Variants in HECW1 observed in about 807,000 individuals in gnomAD.
HECW1 encodes the protein HECT, C2 and WW domain containing E3 ubiquitin protein ligase 1, also known as E3 ubiquitin-protein ligase HECW1.
A neutral mutation model predicts 182.3 loss-of-function variants in HECW1; 61 were observed. That is an observed-to-expected ratio of 0.33 (90% confidence interval 0.27 to 0.41). The LOEUF (loss-of-function observed/expected upper bound fraction) is 0.41. Among genes scored for constraint, HECW1 ranks in the 10% least tolerant of loss-of-function variants. The pLI is 1.00. For missense variants in HECW1, 1,739 were observed against 2,108.9 expected, an observed-to-expected ratio of 0.82 and a Z score of 3.44; for synonymous variants, 859 against 832.6, an observed-to-expected ratio of 1.03 and a Z score of -0.55.
At chr7:43,135,979 C>CT (rs34511113) in intron 2 of HECW1, among the ~76,000 whole-genome samples, 7,104 of 143,514 alleles carry the variant, frequency 0.05, 502 homozygotes, top group African/African-American at 0.16. Context: ...ACCATTTACA[C>CT]TTTTTTTTTT....
intron 15 of HECW1, among the ~76,000 whole-genome samples, chr7:43,467,792 G>A (rs2077847737): frequency 6.6e-6 from 1 of 152,144 alleles, no homozygotes; most frequent in African/African-American, 2.4e-5. Context: ...AGACAGTGTA[G>A]TTTCTGCTTT....
chr7:43,521,963 C>G (rs939151693), intron 24 of HECW1, among the ~76,000 whole-genome samples: 1 of 152,166 alleles, frequency 6.6e-6, no homozygotes, highest in African/African-American at 2.4e-5. Flanking sequence ...ATCAGTCCCC[C>G]TATAAAAGAG....
intron 2 of HECW1, among the ~76,000 whole-genome samples, chr7:43,205,757 G>A (rs1795415690): frequency 6.6e-6 from 1 of 152,174 alleles, no homozygotes; most frequent in Admixed American, 6.5e-5. Flanking sequence ...CAGTGGACAA[G>A]GTCCCTTCTG....
chr7:43,354,181 C>CAAT (rs987661744), intron 5 of HECW1, among the ~76,000 whole-genome samples: 6 of 131,806 alleles, frequency 4.6e-5, no homozygotes, highest in African/African-American at 1.7e-4. Context: ...CAAACATATC[C>CAAT]AATAATAAAA....
intron 5 of HECW1, among the ~76,000 whole-genome samples, chr7:43,346,328 C>A (rs998023113): frequency 6.6e-6 from 1 of 152,012 alleles, no homozygotes; most frequent in Non-Finnish European, 1.5e-5. Flanking sequence ...CCTTAGCCCA[C>A]TTTTTGATGG....
rs981048557 is a variant in HECW1 at position 43,565,484 on chromosome 7, A to G, written c.*3558A>G. The G allele has an allele frequency of 1.1e-5, 2 of 188,236 alleles. No individual in the cohort carries two copies. The highest frequency in any genetic ancestry group is 4.7e-5 in the African/African-American group (2 of 42,726). 11.7% of individuals were successfully genotyped at this position (188,236 alleles called of 1,614,324 possible). On this transcript the variant is annotated 3_prime_UTR_variant, in exon 30 of 30. Coordinates refer to ENST00000395891, the MANE Select transcript of HECW1 (RefSeq NM_015052.5). ...TGGGTTCGGAAATTTCTCAGTTGCCACAAATATTTTCCCAGTCAAGATGAA... is the reference window on the plus strand; with the variant it reads ...TGGGTTCGGAAATTTCTCAGTTGCCGCAAATATTTTCCCAGTCAAGATGAA...
intron 24 of HECW1, among the ~76,000 whole-genome samples, chr7:43,516,059 G>C (rs924353939): frequency 4.6e-5 from 7 of 152,180 alleles, no homozygotes; most frequent in African/African-American, 1.7e-4. Context: ...TTAAAATAGT[G>C]CATCCATTTA....
At chr7:43,389,973 C>T (rs1241150673) in intron 6 of HECW1, among the ~76,000 whole-genome samples, 1 of 152,124 alleles carries the variant, frequency 6.6e-6, no homozygotes, top group Non-Finnish European at 1.5e-5. Flanking sequence ...AGATCTTTGC[C>T]TGAAGGAGAT....
intron 17 of HECW1, among the ~76,000 whole-genome samples, chr7:43,486,918 A>G (rs1339463422): frequency 6.6e-6 from 1 of 152,246 alleles, no homozygotes; most frequent in Non-Finnish European, 1.5e-5. Flanking sequence ...ACATTTTTCT[A>G]TATTTAATCA....
Position 43,175,698 on chromosome 7 carries a change from T to A in HECW1, c.-32+61307T>A, listed in dbSNP as rs557546030. 3.9e-5 allele frequency among the ~76,000 whole-genome samples: 6 copies of A among 152,332 alleles called. No homozygotes were observed. In the East Asian group the frequency reaches 1.2e-3, roughly 29 times the overall value. On this transcript the variant is annotated intron_variant, in intron 2 of 29. Coordinates refer to ENST00000395891, the MANE Select transcript of HECW1 (RefSeq NM_015052.5). ...TCCGTGGATGTAAGATGAAGTGTTT[T>A]GGGAAAAGCATGAAACCTTTGTGTA...
rs754504096 is a variant in HECW1 at position 43,479,605 on chromosome 7, C to T, written c.3100-5C>T. On this transcript the variant is annotated splice_region_variant and splice_polypyrimidine_tract_variant and intron_variant, in intron 16 of 29. Transcript: ENST00000395891. ...CGGTGCTTTTTTTCACTGGTCTGTT[C>T]GCAGTCTTTTTTCGTGGACCACAAC... is the stretch of plus-strand genomic sequence containing the variant. The T allele has an allele frequency of 9.3e-6, 15 of 1,613,980 alleles. No individual in the cohort carries two copies. The highest frequency in any genetic ancestry group is 1.7e-4 in the Middle Eastern group (1 of 6,060).
At chr7:43,450,166 C>T (rs1584945173) in intron 11 of HECW1, among the ~76,000 whole-genome samples, 2 of 151,986 alleles carry the variant, frequency 1.3e-5, no homozygotes, top group African/African-American at 4.8e-5. Flanking sequence ...TTCCTCTTTC[C>T]GGAGCACCCT....
chr7:43,134,255 G>T (rs892829718), intron 2 of HECW1, among the ~76,000 whole-genome samples: 1 of 151,672 alleles, frequency 6.6e-6, no homozygotes, highest in African/African-American at 2.4e-5. Context: ...GTAGCCGGGC[G>T]TGGTGGTGCA....
chr7:43,314,657 G>A (rs909975851), intron 4 of HECW1, among the ~76,000 whole-genome samples: 3 of 152,212 alleles, frequency 2.0e-5, no homozygotes, highest in Non-Finnish European at 4.4e-5. Flanking sequence ...TTGACAGTTT[G>A]TTATTCTCAT....
chr7:43,189,523 A>G (rs952896475), intron 2 of HECW1, among the ~76,000 whole-genome samples: 1 of 152,130 alleles, frequency 6.6e-6, no homozygotes, highest in Non-Finnish European at 1.5e-5. Flanking sequence ...ACTTTAAAAA[A>G]CCTAAATCTG....
At chr7:43,293,233 A>AAG (rs1554344145) in intron 3 of HECW1, among the ~76,000 whole-genome samples, 1 of 150,820 alleles carries the variant, frequency 6.6e-6, no homozygotes, top group Admixed American at 6.6e-5. Flanking sequence ...AAAAAAAAAA[A>AAG]AAAGAAAAGA....
At chr7:43,293,504 G>T (rs1562793380) in intron 3 of HECW1, among the ~76,000 whole-genome samples, 1 of 152,288 alleles carries the variant, frequency 6.6e-6, no homozygotes, top group East Asian at 1.9e-4. Context: ...AGCATGGAAA[G>T]TTAGGGTTTT....
At chr7:43,546,700 A>C (rs774955159) in intron 26 of HECW1, among the ~76,000 whole-genome samples, 6 of 152,084 alleles carry the variant, frequency 3.9e-5, no homozygotes, top group Non-Finnish European at 8.8e-5. Flanking sequence ...GCACTGACAG[A>C]ACCAATCCAG....
At chr7:43,168,882 T>C (rs1024102497) in intron 2 of HECW1, among the ~76,000 whole-genome samples, 4 of 152,100 alleles carry the variant, frequency 2.6e-5, no homozygotes, top group African/African-American at 9.7e-5. Context: ...ATTGGTGAAA[T>C]AAAACATTTA....
Sources: gnomAD v4.1 joint callset for allele counts (sites outside exome capture counted in the v4.1 genomes callset) on GRCh38, gnomAD v4.1.1 for gene constraint, MANE v1.5 for transcripts, NCBI Gene and HGNC (gene_info 2026-07-23, HGNC 2026-07-21) for gene names.